The following RBFOX1 variants were observed in gnomAD, a reference collection of about 807,000 sequenced individuals.
RBFOX1 encodes the protein RNA binding fox-1 homolog 1.
RBFOX1 carries 8 observed loss-of-function variants against 57.7 expected under a neutral mutation model. The ratio of observed to expected loss-of-function variants is 0.14; its 90% CI spans 0.08 to 0.25. RBFOX1 has a LOEUF of 0.25. Ranked by LOEUF, RBFOX1 falls within the 10% of genes least tolerant of loss-of-function variation. The pLI is 1.00. For missense variants in RBFOX1, 611 were observed against 548.5 expected (o/e 1.11, Z -1.14); for synonymous variants, 326 against 222.4 (o/e 1.47, Z -4.15).
At chr16:5,596,909 G>C (rs1051390744) in intron 2 of RBFOX1, among the ~76,000 whole-genome samples, 1 of 152,176 alleles carries the variant, frequency 6.6e-6, no homozygotes, top group Non-Finnish European at 1.5e-5. Context: ...AAGCTGGAGG[G>C]TGGATGTGGC....
intron 4 of RBFOX1, among the ~76,000 whole-genome samples, chr16:5,874,507 T>C (rs1202424839): frequency 6.6e-6 from 1 of 152,084 alleles, no homozygotes; most frequent in Non-Finnish European, 1.5e-5. Flanking sequence ...AGATATTTTT[T>C]TTTCTTCTAA....
intron 3 of RBFOX1, among the ~76,000 whole-genome samples, chr16:6,871,911 CTGTGTGTGTGTGTGTGTG>C (rs57684251): frequency 2.1e-4 from 27 of 129,668 alleles, no homozygotes; most frequent in South Asian, 5.6e-4. Context: ...GGGAGAGAGT[CTGTGTGTGTGTGTGTGTG>C]TGTGTGTGTG....
intron 4 of RBFOX1, among the ~76,000 whole-genome samples, chr16:7,319,131 C>G (rs1022036098): frequency 1.3e-5 from 2 of 152,026 alleles, no homozygotes; most frequent in African/African-American, 4.8e-5. Context: ...TCCCTTTGTT[C>G]TATTTTGGTC....
intron 4 of RBFOX1, among the ~76,000 whole-genome samples, chr16:5,974,168 C>T (rs1285580339): frequency 6.6e-6 from 1 of 152,180 alleles, no homozygotes; most frequent in Admixed American, 6.5e-5. Flanking sequence ...ACCTCGGATG[C>T]ACAGCAGGCA....
At chr16:7,438,751 C>T (rs1194287620) in intron 4 of RBFOX1, among the ~76,000 whole-genome samples, 1 of 152,174 alleles carries the variant, frequency 6.6e-6, no homozygotes, top group Non-Finnish European at 1.5e-5. Context: ...GGTTCATTCT[C>T]CCTTTGCACC....
intron 5 of RBFOX1, among the ~76,000 whole-genome samples, chr16:7,543,784 G>A (rs1464513660): frequency 2.0e-5 from 3 of 151,270 alleles, no homozygotes; most frequent in South Asian, 2.1e-4. Flanking sequence ...GCAGTGGCAC[G>A]ATCTTGGCTC....
At chr16:6,060,007 A>C (rs911823037) in intron 1 of RBFOX1, among the ~76,000 whole-genome samples, 2 of 152,132 alleles carry the variant, frequency 1.3e-5, no homozygotes, top group African/African-American at 2.4e-5. Context: ...TTTCTGACAT[A>C]AATGATTGGA....
intron 4 of RBFOX1, among the ~76,000 whole-genome samples, chr16:7,147,932 C>A (rs1255345499): frequency 6.6e-6 from 1 of 152,186 alleles, no homozygotes; most frequent in Non-Finnish European, 1.5e-5. Context: ...TACATTCTCA[C>A]CAACAGTGTA....
In RBFOX1 at chr16:7,553,316, A is replaced by G. The variant is rs374095188; in HGVS notation, c.271-26461A>G. Among the ~76,000 whole-genome samples, 206 of 151,886 alleles carry G rather than the reference A, an allele frequency of 1.4e-3. 2 individuals are homozygous for G. The highest frequency in any genetic ancestry group is 4.8e-3 in the African/African-American group (200 of 41,426). On this transcript the variant is annotated intron_variant, in intron 5 of 15. Transcript: ENST00000550418. ...CCCACCACCACACCCCCTAATTTTT[A>G]AAATTTTCTGTAGAGATGGGATCTC...
At chr16:5,484,891 A>AT (rs2069671950) in intron 2 of RBFOX1, among the ~76,000 whole-genome samples, 1 of 148,742 alleles carries the variant, frequency 6.7e-6, no homozygotes, top group African/African-American at 2.5e-5. Context: ...GTGAGACTCC[A>AT]TCCAAAAAAA....
In RBFOX1 at chr16:7,709,063, C is replaced by A. The variant is rs1312108862; in HGVS notation, c.1003C>A (p.Arg335=). ...CCTCTATTTTCCTTTCAGTTACGGA[C>A]GAGTTTATGCTGCCGACCCCTACCA... ...TAAAYSDSYG[R]VYAADPYHHA... Residue 335 remains arginine (R), a synonymous_variant, in exon 15 of 16, where the codon CGA becomes AGA. Transcript: ENST00000550418. 2 of 1,613,222 alleles carry A rather than the reference C, an allele frequency of 1.2e-6. No homozygotes were observed. Among genetic ancestry groups the A allele is most frequent in the Non-Finnish European group, 1.7e-6 (2 of 1,179,406 alleles).
At chr16:6,670,083 A>T (rs1249574387) in intron 3 of RBFOX1, among the ~76,000 whole-genome samples, 1 of 152,158 alleles carries the variant, frequency 6.6e-6, no homozygotes, top group African/African-American at 2.4e-5. Context: ...GTGCAGTGGT[A>T]TGATCATGGC....
At chr16:5,965,516 C>A (rs958779906) in intron 4 of RBFOX1, among the ~76,000 whole-genome samples, 6 of 152,124 alleles carry the variant, frequency 3.9e-5, no homozygotes, top group African/African-American at 1.4e-4. Context: ...GAACTAAACA[C>A]ATAACCACAC....
intron 1 of RBFOX1, among the ~76,000 whole-genome samples, chr16:5,414,317 C>G (rs78838662): frequency 0.014 from 2,096 of 152,174 alleles, 55 homozygotes; most frequent in African/African-American, 0.048. Flanking sequence ...CTGCTAGGGT[C>G]CAGATTCAGT....
At chr16:6,929,952 G>A (rs7184447) in intron 3 of RBFOX1, among the ~76,000 whole-genome samples, 5,616 of 152,218 alleles carry the variant, frequency 0.037, 353 homozygotes, top group African/African-American at 0.13. Flanking sequence ...CCCATAGTTC[G>A]TCAGGAATCA....
At chr16:6,234,291 T>C (rs1021171281) in intron 1 of RBFOX1, among the ~76,000 whole-genome samples, 1 of 152,222 alleles carries the variant, frequency 6.6e-6, no homozygotes, top group African/African-American at 2.4e-5. Context: ...CCCTGTGTTA[T>C]CTATCGAAAA....
intron 1 of RBFOX1, chr16:6,056,965 T>C (rs919021172): frequency 6.6e-6 from 1 of 152,070 alleles, no homozygotes; most frequent in Non-Finnish European, 1.5e-5. Context: ...TTATGATACC[T>C]TTCCTCTAGA....
intron 3 of RBFOX1, among the ~76,000 whole-genome samples, chr16:5,775,757 A>C (rs2054126836): frequency 6.6e-6 from 1 of 152,232 alleles, no homozygotes; most frequent in South Asian, 2.1e-4. Context: ...TGCAATGTCC[A>C]CTAACGTAGG....
At chr16:7,095,862 A>C (rs1179947197) in intron 4 of RBFOX1, among the ~76,000 whole-genome samples, 1 of 151,934 alleles carries the variant, frequency 6.6e-6, no homozygotes, top group Non-Finnish European at 1.5e-5. Flanking sequence ...AATACAAAAA[A>C]ATTAGCCAGG....
Sources: allele counts gnomAD v4.1 joint callset (sites outside exome capture counted in the v4.1 genomes callset), GRCh38; gene constraint gnomAD v4.1.1; transcripts MANE v1.5; gene names NCBI Gene and HGNC (gene_info 2026-07-23, HGNC 2026-07-21).